Variants in ACTR3B observed in about 807,000 individuals in gnomAD.
The protein encoded by ACTR3B is actin-related protein 3B.
Under a neutral mutation model 59.0 loss-of-function variants are expected in ACTR3B, and 8 were observed. The observed-to-expected ratio is 0.14, with a 90% CI of 0.08 to 0.24. The LOEUF (loss-of-function observed/expected upper bound fraction) is 0.24, where lower values mean the gene tolerates loss of function less well. Ranked by LOEUF, ACTR3B falls within the 10% of genes least tolerant of loss-of-function variation. The pLI, the probability that ACTR3B is intolerant of heterozygous loss-of-function variation, is 1.00. For synonymous variants in ACTR3B, 148 were observed against 197.9 expected, an observed-to-expected ratio of 0.75 and a Z score of 2.12; for missense variants, 245 against 552.3, an observed-to-expected ratio of 0.44 and a Z score of 5.58.
chr7:152,836,892 C>A (rs1478665907), intron 9 of ACTR3B, among the ~76,000 whole-genome samples: 1 of 152,124 alleles, frequency 6.6e-6, no homozygotes, highest in Non-Finnish European at 1.5e-5. Context: ...GAATGCAGGC[C>A]GGCCTTCATG....
chr7:152,826,125 A>G (rs1474803580), intron 9 of ACTR3B, among the ~76,000 whole-genome samples: 1 of 152,196 alleles, frequency 6.6e-6, no homozygotes, highest in African/African-American at 2.4e-5. Context: ...AACTGACAGC[A>G]CTCAGCATTG....
intron 1 of ACTR3B, among the ~76,000 whole-genome samples, chr7:152,769,205 A>T (rs2098118412): frequency 6.6e-6 from 1 of 152,156 alleles, no homozygotes; most frequent in African/African-American, 2.4e-5. Context: ...AGAATGGCAT[A>T]CTAAGGCCTC....
At chr7:152,778,782 TAAAA>T (rs912331230) in intron 1 of ACTR3B, among the ~76,000 whole-genome samples, 1 of 144,634 alleles carries the variant, frequency 6.9e-6, no homozygotes, top group Non-Finnish European at 1.5e-5. Flanking sequence ...GTACAAAAAA[TAAAA>T]AAAAAACTTA....
At chr7:152,785,512 G>A (rs867842238) in intron 2 of ACTR3B, among the ~76,000 whole-genome samples, 47 of 106,554 alleles carry the variant, frequency 4.4e-4, no homozygotes, top group African/African-American at 1.7e-3. Flanking sequence ...AGAGAGAGAG[G>A]AGAGAGAAGA....
At chr7:152,761,259 T>C (rs1011465374) in intron 1 of ACTR3B, among the ~76,000 whole-genome samples, 12 of 152,150 alleles carry the variant, frequency 7.9e-5, no homozygotes, top group Admixed American at 2.6e-4. Flanking sequence ...CCTCAATTAT[T>C]GACACCCTTA....
At position 152,809,618 on chromosome 7, in the gene ACTR3B, C is replaced by T. The variant is rs376529695; in HGVS notation, c.337-4932C>T. Among the ~76,000 whole-genome samples, 21 of 151,602 alleles carry T rather than the reference C, an allele frequency of 1.4e-4. No homozygotes were observed. The East Asian group carries it at 1.8e-3, about 13-fold the overall frequency. On this transcript the variant is annotated intron_variant, in intron 4 of 11. Coordinates refer to ENST00000256001, the MANE Select transcript of ACTR3B (RefSeq NM_020445.6). The stretch of plus-strand genomic sequence containing the variant: ...GTGCAGTGGCACGATCTCAGCTCAC[C>T]GCAACCTCCGCCTCCCGGGTTCAAG...
intron 4 of ACTR3B, among the ~76,000 whole-genome samples, chr7:152,802,131 C>T (rs2098238749): frequency 6.6e-6 from 1 of 151,864 alleles, no homozygotes; most frequent in African/African-American, 2.4e-5. Flanking sequence ...GACCCTTTCC[C>T]AGAAACCTTC....
At chr7:152,834,851 A>G (rs546851439) in intron 9 of ACTR3B, among the ~76,000 whole-genome samples, 1 of 152,302 alleles carries the variant, frequency 6.6e-6, no homozygotes, top group South Asian at 2.1e-4. Context: ...TCTGGCTAAA[A>G]TGCTGACCTG....
rs1796387992 is a variant in ACTR3B at position 152,824,024 on chromosome 7, G to T, written c.858+509G>T. On this transcript the variant is annotated intron_variant, in intron 8 of 11. Transcript: ENST00000256001. This position sits in a 1 kb window ranked among gnomAD's most constrained non-coding sequence, Gnocchi z 4.2. ...ATTATTTAGATAATCTTAAGAATTA[G>T]AAATGTCATCATTTTAACTAGTAGT... Among the ~76,000 whole-genome samples the T allele has an allele frequency of 6.6e-6, 1 of 152,232 alleles. No homozygotes were observed. Among genetic ancestry groups the T allele is most frequent in the Non-Finnish European group, 1.5e-5 (1 of 68,054 alleles).
chr7:152,792,689 A>C (rs1317039925), intron 2 of ACTR3B, among the ~76,000 whole-genome samples: 1 of 152,112 alleles, frequency 6.6e-6, no homozygotes, highest in African/African-American at 2.4e-5. Context: ...TGGAGGTTGC[A>C]GTGAGCTGAG....
At chr7:152,810,490 A>G (rs1055046222) in intron 4 of ACTR3B, among the ~76,000 whole-genome samples, 1 of 150,392 alleles carries the variant, frequency 6.6e-6, no homozygotes, top group Non-Finnish European at 1.5e-5. Context: ...GACTATTCAC[A>G]GGTGCAGTCA....
chr7:152,772,047 G>A (rs2098125283), intron 1 of ACTR3B, among the ~76,000 whole-genome samples: 1 of 151,982 alleles, frequency 6.6e-6, no homozygotes, highest in South Asian at 2.1e-4. Flanking sequence ...CCTGGGCAAC[G>A]AGAGTGAAAC....
intron 5 of ACTR3B, among the ~76,000 whole-genome samples, chr7:152,815,182 TG>T (rs1021629252): frequency 6.6e-6 from 1 of 151,902 alleles, no homozygotes; most frequent in Non-Finnish European, 1.5e-5. Context: ...ATGAGATGGG[TG>T]TTGCCCAAAT....
intron 2 of ACTR3B, among the ~76,000 whole-genome samples, chr7:152,800,199 T>C (rs1483991422): frequency 6.6e-6 from 1 of 152,282 alleles, no homozygotes; most frequent in African/African-American, 2.4e-5. Context: ...ATTTTAAATT[T>C]GGAACCTACT....
chr7:152,821,947 C>T (rs558478850), intron 7 of ACTR3B, among the ~76,000 whole-genome samples: 38 of 152,334 alleles, frequency 2.5e-4, no homozygotes, highest in African/African-American at 8.7e-4. Flanking sequence ...TAAGGTTAAG[C>T]CTGTTACTCT....
At chr7:152,788,236 G>A (rs1259621117) in intron 2 of ACTR3B, among the ~76,000 whole-genome samples, 2 of 151,954 alleles carry the variant, frequency 1.3e-5, no homozygotes, top group Non-Finnish European at 2.9e-5. Context: ...AATTACAGGT[G>A]TGAGCCACTG....
At chr7:152,843,827 C>T (rs192628146) in intron 9 of ACTR3B, among the ~76,000 whole-genome samples, 13 of 152,122 alleles carry the variant, frequency 8.5e-5, no homozygotes, top group East Asian at 1.9e-4. Context: ...ACTGTGGTAA[C>T]GTAAAAGAAT....
intron 2 of ACTR3B, among the ~76,000 whole-genome samples, chr7:152,786,797 T>C (rs1415578924): frequency 1.3e-5 from 2 of 152,208 alleles, no homozygotes; most frequent in Non-Finnish European, 2.9e-5. Context: ...AAAGATACAT[T>C]GTTTTGTGAG....
rs566379757 is a variant in ACTR3B, at chr7:152,836,825, CT to C, written c.951+11707del. Among the ~76,000 whole-genome samples, 834 of 152,246 alleles carry C rather than the reference CT, an allele frequency of 5.5e-3. 1 individual carries two copies. Among genetic ancestry groups the C allele is most frequent in the African/African-American group, 0.019 (784 of 41,542 alleles). ...GTTAAAATGTTATTATTTATGACAT[CT>C]TTTCTTTATTTCTTAGAAAAATGTT... On this transcript the variant is annotated intron_variant, in intron 9 of 11. Coordinates refer to ENST00000256001, the MANE Select transcript of ACTR3B (RefSeq NM_020445.6).
Sources: gnomAD v4.1 joint callset for allele counts (sites outside exome capture counted in the v4.1 genomes callset) on GRCh38, gnomAD v4.1.1 for gene constraint, Gnocchi (gnomAD v3.1) non-coding constraint, MANE v1.5 for transcripts, NCBI Gene and HGNC (gene_info 2026-07-23, HGNC 2026-07-21) for gene names.